The following SCFD2 variants were observed in gnomAD, a reference collection of about 807,000 sequenced individuals.
SCFD2 encodes sec1 family domain-containing protein 2.
Under a neutral mutation model 58.9 loss-of-function variants are expected in SCFD2, and 54 were observed. The observed-to-expected ratio is 0.92, with a 90% confidence interval of 0.74 to 1.15. The LOEUF (loss-of-function observed/expected upper bound fraction) is 1.15. Among genes scored for constraint, SCFD2 ranks in the 50% most tolerant of loss-of-function variants. The pLI is 0.00. For missense variants in SCFD2, 805 were observed against 836.6 expected (o/e 0.96, Z 0.47); for synonymous variants, 321 against 335.9 (o/e 0.96, Z 0.49).
intron 4 of SCFD2, among the ~76,000 whole-genome samples, chr4:53,165,639 A>C (rs1726984565): frequency 6.6e-6 from 1 of 152,110 alleles, no homozygotes; most frequent in African/African-American, 2.4e-5. Context: ...ATTTCTCTAT[A>C]GTCCTTTTCA....
intron 5 of SCFD2, among the ~76,000 whole-genome samples, chr4:52,974,705 T>C (rs1440748702): frequency 6.6e-6 from 1 of 151,788 alleles, no homozygotes; most frequent in Non-Finnish European, 1.5e-5. Flanking sequence ...AGAGCCTGCA[T>C]TGCCAAGTCA....
chr4:53,026,239 A>G lies in SCFD2; in HGVS notation c.1562-105369T>C, dbSNP rs563899265. ...CAGGAGTAGAATATTCCCATTGTAA[A>G]AGACATTTCAAGAATATCCAGTCCA... is the stretch of plus-strand genomic sequence containing the variant. On this transcript the variant is annotated intron_variant, in intron 5 of 8. Coordinates refer to ENST00000401642, the MANE Select transcript of SCFD2 (RefSeq NM_152540.4). Among the ~76,000 whole-genome samples the G allele has an allele frequency of 1.4e-3, 212 of 152,332 alleles. 3 individuals are homozygous for G. The highest frequency in any genetic ancestry group is 9.8e-4 in the Non-Finnish European group (67 of 68,044).
At chr4:53,020,839 C>A (rs185656377) in intron 5 of SCFD2, among the ~76,000 whole-genome samples, 1 of 152,216 alleles carries the variant, frequency 6.6e-6, no homozygotes, top group East Asian at 1.9e-4. Flanking sequence ...TAAATGAGAG[C>A]AAATCATGAC....
chr4:53,108,866 T>G (rs1725083998), intron 5 of SCFD2, among the ~76,000 whole-genome samples: 3 of 152,170 alleles, frequency 2.0e-5, no homozygotes, highest in Admixed American at 2.0e-4. Context: ...ACTCACTTGA[T>G]GAGGCCAGCA....
At chr4:53,169,836 T>C (rs891871515) in intron 4 of SCFD2, among the ~76,000 whole-genome samples, 1 of 152,218 alleles carries the variant, frequency 6.6e-6, no homozygotes, top group African/African-American at 2.4e-5. Context: ...TATATCTTCT[T>C]TTGAGAAATA....
chr4:52,921,978 G>A (rs1228654508), intron 5 of SCFD2, among the ~76,000 whole-genome samples: 1 of 152,060 alleles, frequency 6.6e-6, no homozygotes, highest in Admixed American at 6.6e-5. Context: ...TTTCTGAGGG[G>A]CCCCAGAAGG....
intron 1 of SCFD2, among the ~76,000 whole-genome samples, chr4:53,363,758 G>A (rs1300845162): frequency 6.8e-6 from 1 of 147,016 alleles, no homozygotes; most frequent in Non-Finnish European, 1.5e-5. Flanking sequence ...GGGAGGCGGA[G>A]CTTGCAGTGA....
At chr4:53,168,688 A>G (rs2148934266) in intron 4 of SCFD2, among the ~76,000 whole-genome samples, 1 of 152,322 alleles carries the variant, frequency 6.6e-6, no homozygotes, top group South Asian at 2.1e-4. Context: ...ATAGAATGTG[A>G]AATTATTAAA....
chr4:52,940,141 C>T (rs1029364337), intron 5 of SCFD2, among the ~76,000 whole-genome samples: 1 of 152,212 alleles, frequency 6.6e-6, no homozygotes, highest in African/African-American at 2.4e-5. Flanking sequence ...GCCTGACCTG[C>T]GAGCTACTCA....
chr4:53,098,255 C>A (rs1186540115), intron 5 of SCFD2, among the ~76,000 whole-genome samples: 2 of 152,174 alleles, frequency 1.3e-5, no homozygotes, highest in African/African-American at 4.8e-5. Context: ...AGGATTCCCT[C>A]TTTTTCTATT....
At chr4:53,217,361 T>G (rs1265921521) in intron 4 of SCFD2, among the ~76,000 whole-genome samples, 1 of 152,230 alleles carries the variant, frequency 6.6e-6, no homozygotes, top group Non-Finnish European at 1.5e-5. Context: ...TTAGGATAGT[T>G]AGCTCTTCTT....
At position 53,021,164 on chromosome 4, in the gene SCFD2, T is replaced by C. The variant is rs569688689; in HGVS notation, c.1562-100294A>G. Among the ~76,000 whole-genome samples the C allele has an allele frequency of 2.2e-4, 34 of 152,330 alleles. No individual in the cohort carries two copies. The South Asian group carries it at 6.8e-3, about 31-fold the overall frequency. On this transcript the variant is annotated intron_variant, in intron 5 of 8. Coordinates refer to ENST00000401642, the MANE Select transcript of SCFD2 (RefSeq NM_152540.4). ...TTTTAGAATGATAAGCACAAACTTA[T>C]TGGGCCTTTTAATTCATGACAGAGT...
rs111711386 is a variant in SCFD2 at position 53,065,489 on chromosome 4, G to A, written c.1561+79844C>T. On this transcript the variant is annotated intron_variant, in intron 5 of 8. Coordinates refer to ENST00000401642, the MANE Select transcript of SCFD2 (RefSeq NM_152540.4). Reference sequence around the variant, plus strand: ...TGCTGAGAAACTAGCATAGCAAACCGCCAGTAACACTCTGGTTCACCTAAA... The same window carrying A: ...TGCTGAGAAACTAGCATAGCAAACCACCAGTAACACTCTGGTTCACCTAAA... Among the ~76,000 whole-genome samples the A allele has an allele frequency of 1.2e-3, 187 of 152,028 alleles. 1 individual carries two copies. Among genetic ancestry groups the A allele is most frequent in the African/African-American group, 4.3e-3 (180 of 41,502 alleles).
intron 5 of SCFD2, among the ~76,000 whole-genome samples, chr4:53,137,340 G>A (rs1366650800): frequency 6.6e-6 from 1 of 152,220 alleles, no homozygotes; most frequent in Non-Finnish European, 1.5e-5. Context: ...TGGAGGGGAA[G>A]CATCCAGCGC....
chr4:53,034,113 C>A (rs1385972623), intron 5 of SCFD2, among the ~76,000 whole-genome samples: 3 of 152,218 alleles, frequency 2.0e-5, no homozygotes, highest in African/African-American at 7.2e-5. Flanking sequence ...AGCTTATCCA[C>A]CATGATCAAG....
intron 6 of SCFD2, 85 bp downstream of exon 6, chr4:52,920,640 G>A (rs1240150455): frequency 9.8e-7 from 1 of 1,022,926 alleles, no homozygotes; most frequent in Non-Finnish European, 1.4e-6. Context: ...TTTTAGGAAG[G>A]TTAAAAGGGA....
intron 5 of SCFD2, among the ~76,000 whole-genome samples, chr4:53,025,744 C>T (rs914696548): frequency 1.3e-5 from 2 of 152,168 alleles, no homozygotes; most frequent in Admixed American, 1.3e-4. Context: ...GGACGAGGCC[C>T]CTGTGGCCTG....
chr4:52,956,670 A>G (rs1720720097), intron 5 of SCFD2: 1 of 168,516 alleles, frequency 5.9e-6, no homozygotes, highest in African/African-American at 2.4e-5. Flanking sequence ...AAAGTCCTAG[A>G]CAAGAAAGCC....
At chr4:52,912,139 C>T (rs1463842943) in intron 6 of SCFD2, among the ~76,000 whole-genome samples, 2 of 151,602 alleles carry the variant, frequency 1.3e-5, no homozygotes, top group African/African-American at 4.9e-5. Flanking sequence ...ACAAACAAAA[C>T]AAAACATGAC....
Sources: gnomAD v4.1 joint callset for allele counts (sites outside exome capture counted in the v4.1 genomes callset) on GRCh38, gnomAD v4.1.1 for gene constraint, MANE v1.5 for transcripts, NCBI Gene and HGNC (gene_info 2026-07-23, HGNC 2026-07-21) for gene names.